PHTF2: variants seen among roughly 807,000 people sequenced by gnomAD.
PHTF2 encodes putative homeodomain transcription factor 2, also known as protein PHTF2.
Under a neutral mutation model 101.2 loss-of-function variants are expected in PHTF2, and 60 were observed. The ratio of observed to expected loss-of-function variants is 0.59; its 90% CI spans 0.48 to 0.73. The LOEUF (loss-of-function observed/expected upper bound fraction) is 0.73. PHTF2 is among the 30% of genes least tolerant of loss of function. The probability of loss-of-function intolerance (pLI) is 0.00; values close to 1 mark genes in which losing one functional copy is unlikely to be tolerated. For synonymous variants in PHTF2, 311 were observed against 307.3 expected (o/e 1.01, Z -0.13); for missense variants, 747 against 908.7 (o/e 0.82, Z 2.29).
At chr7:77,890,149 G>A (rs898178548) in intron 3 of PHTF2, among the ~76,000 whole-genome samples, 1 of 151,316 alleles carries the variant, frequency 6.6e-6, no homozygotes, top group Non-Finnish European at 1.5e-5. Flanking sequence ...TTTTTTAATA[G>A]GAATGTCTAT....
At chr7:77,946,294 A>C (rs1245766976) in intron 16 of PHTF2, among the ~76,000 whole-genome samples, 3 of 152,216 alleles carry the variant, frequency 2.0e-5, no homozygotes, top group Admixed American at 2.0e-4. Flanking sequence ...TAATCTGATA[A>C]AGTATATCTT....
chr7:77,945,765 C>T (rs567142862), intron 16 of PHTF2, among the ~76,000 whole-genome samples: 2 of 152,096 alleles, frequency 1.3e-5, no homozygotes, highest in East Asian at 1.9e-4. Context: ...TCTATTAAAA[C>T]GGACTCAAAA....
intron 5 of PHTF2, among the ~76,000 whole-genome samples, chr7:77,894,479 T>G (rs201291510): frequency 6.6e-6 from 1 of 152,156 alleles, no homozygotes; most frequent in African/African-American, 2.4e-5. Flanking sequence ...GTCCAAAAAT[T>G]TGTTAATGTT....
At chr7:77,942,759 C>T in exon 16 of PHTF2, 5 of 1,597,064 alleles carry the variant, frequency 3.1e-6, no homozygotes, top group Non-Finnish European at 4.3e-6. Context: ...TATTGACTAT[C>T]TCAGTTGTAT....
chr7:77,821,555 C>T lies in PHTF2; in HGVS notation c.-35-18666C>T, dbSNP rs1277726283. On this transcript the variant is annotated intron_variant, in intron 1 of 19. Transcript: ENST00000416283. Reference sequence around the variant, plus strand: ...CTGCTCGGGGAGCTCAGGAGTGTGTCCACCATAGATGGCCCTCAGAGCTGT... The same window carrying T: ...CTGCTCGGGGAGCTCAGGAGTGTGTTCACCATAGATGGCCCTCAGAGCTGT... 6.6e-5 allele frequency among the ~76,000 whole-genome samples: 10 copies of T among 151,980 alleles called. 1 individual carries two copies. Among genetic ancestry groups the T allele is most frequent in the African/African-American group, 1.7e-4 (7 of 41,386 alleles).
chr7:77,843,626 A>G (rs1185673792), intron 2 of PHTF2, among the ~76,000 whole-genome samples: 1 of 152,268 alleles, frequency 6.6e-6, no homozygotes, highest in East Asian at 1.9e-4. Context: ...GGAGAACTGC[A>G]GCTGTACTTA....
At chr7:77,914,413 A>C (rs1301879264) in intron 9 of PHTF2, among the ~76,000 whole-genome samples, 1 of 152,202 alleles carries the variant, frequency 6.6e-6, no homozygotes, top group East Asian at 1.9e-4. Flanking sequence ...GAAGCTAAGA[A>C]TAGGAGAGTG....
chr7:77,863,070 A>G (rs1015930239), intron 3 of PHTF2, among the ~76,000 whole-genome samples: 19 of 152,374 alleles, frequency 1.2e-4, no homozygotes, highest in African/African-American at 3.8e-4. Context: ...TATACAACCT[A>G]AAAGTTTCCC....
intron 12 of PHTF2, among the ~76,000 whole-genome samples, chr7:77,936,959 A>G (rs1264161347): frequency 6.6e-6 from 1 of 152,056 alleles, no homozygotes; most frequent in African/African-American, 2.4e-5. Context: ...AGCCTGGCCA[A>G]CATGGTGAAA....
chr7:77,885,510 T>A (rs1198795923), intron 3 of PHTF2, among the ~76,000 whole-genome samples: 1 of 152,072 alleles, frequency 6.6e-6, no homozygotes, highest in Admixed American at 6.6e-5. Flanking sequence ...GGTGGTGGGA[T>A]CTTGGCTCAC....
chr7:77,936,893 C>T (rs1805187924), intron 12 of PHTF2, among the ~76,000 whole-genome samples: 1 of 151,644 alleles, frequency 6.6e-6, no homozygotes, highest in Non-Finnish European at 1.5e-5. Flanking sequence ...ACCTGTAATC[C>T]CAGCACTTTG....
chr7:77,893,852 C>T, intron 4 of PHTF2, 130 bp from the exon 4 acceptor site: 1 of 744,436 alleles, frequency 1.3e-6, no homozygotes, highest in Non-Finnish European at 2.3e-6. Flanking sequence ...TTCTTTTTAT[C>T]ATCTTTCTGT....
intron 16 of PHTF2, among the ~76,000 whole-genome samples, chr7:77,945,278 C>A (rs1805957354): frequency 6.6e-6 from 1 of 152,174 alleles, no homozygotes; most frequent in African/African-American, 2.4e-5. Flanking sequence ...GCAGAAGTTG[C>A]AGTGAGCCAA....
At chr7:77,812,286 A>T (rs1399008667) in intron 1 of PHTF2, among the ~76,000 whole-genome samples, 1 of 152,258 alleles carries the variant, frequency 6.6e-6, no homozygotes, top group African/African-American at 2.4e-5. Context: ...TAATTAATAC[A>T]GATGAATGTA....
At chr7:77,884,336 A>C (rs2150760918) in intron 3 of PHTF2, among the ~76,000 whole-genome samples, 1 of 152,322 alleles carries the variant, frequency 6.6e-6, no homozygotes, top group South Asian at 2.1e-4. Context: ...TTACCTGAGT[A>C]GTGTACCTTG....
At chr7:77,838,795 A>C (rs537805211) in intron 1 of PHTF2, among the ~76,000 whole-genome samples, 2 of 152,194 alleles carry the variant, frequency 1.3e-5, no homozygotes, top group Admixed American at 1.3e-4. Context: ...GCTGTTTGTC[A>C]GGAATTTCAA....
rs146271807 is a variant in PHTF2 at position 77,921,937 on chromosome 7, T to G, written c.964-686T>G. On this transcript the variant is annotated intron_variant, in intron 10 of 19. Coordinates refer to ENST00000416283, the Ensembl canonical transcript of PHTF2. Reference sequence around the variant, plus strand: ...GTGGGTCTTACAATTGATGGCTTTTTCAGTTTGAAAAAATAGTATAATATG... The same window carrying G: ...GTGGGTCTTACAATTGATGGCTTTTGCAGTTTGAAAAAATAGTATAATATG... Among the ~76,000 whole-genome samples, 228 of 152,166 alleles carry G rather than the reference T, an allele frequency of 1.5e-3. 1 individual carries two copies. The highest frequency in any genetic ancestry group is 5.1e-3 in the African/African-American group (213 of 41,546).
At chr7:77,879,664 TAATTGACATAGTCA>T (rs1453818088) in intron 3 of PHTF2, among the ~76,000 whole-genome samples, 3 of 152,198 alleles carry the variant, frequency 2.0e-5, no homozygotes, top group Non-Finnish European at 2.9e-5. Context: ...AATGGATGGA[TAATTGACATAGTCA>T]ATTATCTATC....
chr7:77,922,233 C>T (rs2150918161), intron 10 of PHTF2, among the ~76,000 whole-genome samples: 1 of 151,872 alleles, frequency 6.6e-6, no homozygotes, highest in Non-Finnish European at 1.5e-5. Flanking sequence ...TGCTATGTTG[C>T]CCAGGCTGGT....
Sources: gnomAD v4.1 joint callset for allele counts (sites outside exome capture counted in the v4.1 genomes callset) on GRCh38, gnomAD v4.1.1 for gene constraint, MANE v1.5 for transcripts, NCBI Gene and HGNC (gene_info 2026-07-23, HGNC 2026-07-21) for gene names.